The following ATF7IP variants were observed in gnomAD, a reference collection of about 807,000 sequenced individuals.
The protein encoded by ATF7IP is activating transcription factor 7-interacting protein 1.
Under a neutral mutation model 106.4 loss-of-function variants are expected in ATF7IP, and 23 were observed. The observed-to-expected ratio is 0.22, with a 90% CI of 0.16 to 0.31. The LOEUF is 0.31. Ranked by LOEUF, ATF7IP falls within the 10% of genes least tolerant of loss-of-function variation. The pLI, the probability that ATF7IP is intolerant of heterozygous loss-of-function variation, is 1.00. For synonymous variants in ATF7IP, 542 were observed against 539.0 expected (o/e 1.01, Z -0.08); for missense variants, 1,334 against 1,524.3 (o/e 0.88, Z 2.08).
At chr12:14,487,882 A>G (rs536426727) in intron 13 of ATF7IP, among the ~76,000 whole-genome samples, 4 of 152,246 alleles carry the variant, frequency 2.6e-5, no homozygotes, top group East Asian at 3.9e-4. Context: ...TTCTCCACAT[A>G]TGGTCCAAGG....
chr12:14,484,140 A>C (rs1475697322), intron 13 of ATF7IP, among the ~76,000 whole-genome samples: 1 of 152,098 alleles, frequency 6.6e-6, no homozygotes, highest in African/African-American at 2.4e-5. Context: ...TCGAGGGCTC[A>C]GTGTTGGTCT....
At position 14,499,076 on chromosome 12, in the gene ATF7IP, C is replaced by T. The variant is rs1038426090; in HGVS notation, c.*1003C>T. The T allele has an allele frequency of 6.6e-6, 1 of 152,132 alleles. No individual in the cohort carries two copies. The highest frequency in any genetic ancestry group is 2.4e-5 in the African/African-American group (1 of 41,394). The allele number at this position is 152,132 out of a possible 1,614,324, so 9.4% of individuals were successfully genotyped here. ...GGCCAGGCTGGTCTTGAACTCCTGA[C>T]CTCAGGTGATCCACCCGCCTCGGCC... is the stretch of plus-strand genomic sequence containing the variant. On this transcript the variant is annotated 3_prime_UTR_variant, in exon 15 of 15. Coordinates refer to ENST00000261168, the MANE Select transcript of ATF7IP (RefSeq NM_018179.5).
At position 14,424,052 on chromosome 12, in the gene ATF7IP, G is replaced by A. The variant is rs755758601; in HGVS notation, c.137G>A (p.Gly46Asp). Reference protein sequence around the residue: ...LLKTDVKLLNGNHENGDLDPT... With the variant: ...LLKTDVKLLNDNHENGDLDPT... ...AAAACTGATGTCAAGCTGTTAAATGGCAACCATGAAAATGGAGATTTGGAC... is the reference window on the plus strand; with the variant it reads ...AAAACTGATGTCAAGCTGTTAAATGACAACCATGAAAATGGAGATTTGGAC... The change falls in exon 2 of 15, where the codon GGC (glycine) becomes GAC (aspartate). Residue 46 changes from glycine to aspartate, a missense_variant. Around this residue, in one of 10 missense-constraint regions of ATF7IP, gnomAD observed 74 missense variants for 101.9 expected, o/e 0.73. Transcript: ENST00000261168. 1 of 1,614,090 alleles carries A rather than the reference G, an allele frequency of 6.2e-7. No individual in the cohort carries two copies. Among genetic ancestry groups the A allele is most frequent in the Non-Finnish European group, 8.5e-7 (1 of 1,180,016 alleles).
At chr12:14,494,954 AAGAT>A (rs1208829557) in intron 13 of ATF7IP, among the ~76,000 whole-genome samples, 46 of 141,708 alleles carry the variant, frequency 3.2e-4, no homozygotes, top group African/African-American at 1.1e-3. Flanking sequence ...AAAAAAAAAA[AAGAT>A]CCCACAGTAG....
At chr12:14,454,032 A>G (rs1943318762) in intron 6 of ATF7IP, among the ~76,000 whole-genome samples, 1 of 152,032 alleles carries the variant, frequency 6.6e-6, no homozygotes, top group Non-Finnish European at 1.5e-5. Flanking sequence ...TGATTGGACC[A>G]TGTTTCTCTG....
chr12:14,454,352 G>T (rs1359386353), intron 6 of ATF7IP, among the ~76,000 whole-genome samples: 1 of 152,070 alleles, frequency 6.6e-6, no homozygotes, highest in Non-Finnish European at 1.5e-5. Context: ...CAATTTCTCT[G>T]GTGCTCTATC....
At chr12:14,370,372 T>C (rs957805345) in intron 1 of ATF7IP, among the ~76,000 whole-genome samples, 3 of 152,196 alleles carry the variant, frequency 2.0e-5, no homozygotes, top group Non-Finnish European at 4.4e-5. Context: ...CATTGTTTTA[T>C]TTGCTGTAGG....
intron 10 of ATF7IP, among the ~76,000 whole-genome samples, 160 bp from the exon 11 acceptor site, chr12:14,475,730 A>G (rs1294599937): frequency 6.6e-6 from 1 of 152,188 alleles, no homozygotes; most frequent in Non-Finnish European, 1.5e-5. Context: ...ATCCTGGGAC[A>G]TTTGTCTGAC....
intron 2 of ATF7IP, among the ~76,000 whole-genome samples, chr12:14,431,040 A>G (rs1216480101): frequency 6.6e-6 from 1 of 152,250 alleles, no homozygotes; most frequent in Non-Finnish European, 1.5e-5. Context: ...AAAGTTCTAT[A>G]AAGTATAATT....
intron 6 of ATF7IP, among the ~76,000 whole-genome samples, chr12:14,454,444 C>T (rs1943346284): frequency 6.6e-6 from 1 of 152,194 alleles, no homozygotes; most frequent in East Asian, 1.9e-4. Flanking sequence ...CAGATTAGTC[C>T]TCCATGTTGG....
intron 12 of ATF7IP, 112 bp from the exon 13 acceptor site, chr12:14,480,891 T>A (rs1286763275): frequency 1.1e-6 from 1 of 906,772 alleles, no homozygotes; most frequent in East Asian, 2.5e-5. Context: ...GTTATTTCTG[T>A]TTCTGTCTTT....
intron 4 of ATF7IP, 49 bp from the exon 5 acceptor site, chr12:14,438,081 C>T: frequency 6.3e-7 from 1 of 1,576,254 alleles, no homozygotes; most frequent in East Asian, 2.2e-5. Flanking sequence ...CTGTTTATTG[C>T]TTGCTGGAAT....
At chr12:14,426,184 T>C (rs1481216535) in intron 2 of ATF7IP, among the ~76,000 whole-genome samples, 1 of 152,202 alleles carries the variant, frequency 6.6e-6, no homozygotes, top group Admixed American at 6.5e-5. Flanking sequence ...ATTTGTTCAG[T>C]ACCTATCTCT....
chr12:14,396,723 A>G (rs1232225564), intron 1 of ATF7IP, among the ~76,000 whole-genome samples: 1 of 152,182 alleles, frequency 6.6e-6, no homozygotes, highest in Non-Finnish European at 1.5e-5. Flanking sequence ...TAGTTTTTAC[A>G]TATAGACAAA....
chr12:14,378,706 T>C (rs1423323379), intron 1 of ATF7IP, among the ~76,000 whole-genome samples: 6 of 152,224 alleles, frequency 3.9e-5, no homozygotes, highest in Non-Finnish European at 8.8e-5. Context: ...GACTGGTTTG[T>C]ACAACATAAT....
Position 14,460,311 on chromosome 12 carries a change from T to C in ATF7IP, c.2159-184T>C, listed in dbSNP as rs117443491. ...TAATTTACTAAAACTACATGCAAAA[T>C]GCTTCTATGAATTTAATTCTAAATT... is the stretch of plus-strand genomic sequence containing the variant. On this transcript the variant is annotated intron_variant, in intron 8 of 14. Coordinates refer to ENST00000261168, the MANE Select transcript of ATF7IP (RefSeq NM_018179.5). 8.3e-3 allele frequency among the ~76,000 whole-genome samples: 1,268 copies of C among 152,322 alleles called. 14 individuals are homozygous for C. Among genetic ancestry groups the C allele is most frequent in the Middle Eastern group, 0.061 (18 of 294 alleles).
intron 3 of ATF7IP, among the ~76,000 whole-genome samples, chr12:14,434,839 A>C (rs1942323615): frequency 6.6e-6 from 1 of 152,176 alleles, no homozygotes; most frequent in South Asian, 2.1e-4. Context: ...TAATGCCAGC[A>C]CTTTGGGAGG....
At chr12:14,399,589 T>G (rs1449772311) in intron 1 of ATF7IP, among the ~76,000 whole-genome samples, 1 of 152,066 alleles carries the variant, frequency 6.6e-6, no homozygotes, top group Non-Finnish European at 1.5e-5. Context: ...TTTTTTTTAA[T>G]TTTCTTATTT....
At chr12:14,366,076 G>A (rs1938278671) in intron 1 of ATF7IP, among the ~76,000 whole-genome samples, 1 of 152,226 alleles carries the variant, frequency 6.6e-6, no homozygotes. Context: ...GTTCTTGTTG[G>A]ACGCCATTTG....
Sources: gnomAD v4.1 joint callset for allele counts (sites outside exome capture counted in the v4.1 genomes callset) on GRCh38, gnomAD v4.1.1 for gene constraint, gnomAD v4.1.1 regional missense constraint, MANE v1.5 for transcripts, NCBI Gene and HGNC (gene_info 2026-07-23, HGNC 2026-07-21) for gene names.